MAGED1: variants seen among roughly 807,000 people sequenced by gnomAD.
MAGED1 encodes MAGE family member D1.
MAGED1 carries 3 observed loss-of-function variants against 54.1 expected under a neutral mutation model. The ratio of observed to expected loss-of-function variants is 0.06; its 90% CI spans 0.03 to 0.14. The LOEUF (loss-of-function observed/expected upper bound fraction) is 0.14. Among genes scored for constraint, MAGED1 ranks in the 10% least tolerant of loss-of-function variants. The probability of loss-of-function intolerance (pLI) is 1.00; values close to 1 mark genes in which losing one functional copy is unlikely to be tolerated. For missense variants in MAGED1, 485 were observed against 623.4 expected (o/e 0.78, Z 2.36); for synonymous variants, 217 against 227.3 (o/e 0.95, Z 0.41).
intron 1 of MAGED1, among the ~76,000 whole-genome samples, chrX:51,810,591 G>A (rs1470719205): frequency 8.9e-6 from 1 of 111,867 alleles, no homozygotes; most frequent in African/African-American, 3.2e-5. Context: ...TTCTAGTGTG[G>A]ATATGAGCAA....
intron 1 of MAGED1, among the ~76,000 whole-genome samples, chrX:51,839,172 C>T (rs1355499988): frequency 8.9e-6 from 1 of 111,755 alleles, no homozygotes; most frequent in African/African-American, 3.3e-5. Context: ...AATTTTATTC[C>T]AGTCAGATTC....
intron 1 of MAGED1, among the ~76,000 whole-genome samples, chrX:51,814,944 A>C (rs1376714495): frequency 1.5e-4 from 15 of 103,173 alleles, no homozygotes; most frequent in Admixed American, 1.4e-3. Flanking sequence ...CAGTCTGGCC[A>C]ACAGGGTGAA....
intron 1 of MAGED1, among the ~76,000 whole-genome samples, chrX:51,828,995 T>C (rs1373453348): frequency 1.8e-5 from 2 of 111,002 alleles, no homozygotes; most frequent in Admixed American, 1.9e-4. Flanking sequence ...CCCAATGCGG[T>C]TTGTGGCTAT....
In MAGED1 at chrX:51,897,538, C is replaced by T. The variant is rs1375825481; in HGVS notation, c.1487-9C>T. 8.4e-7 allele frequency: 1 copy of T among 1,192,717 alleles called. No homozygotes were observed. Among genetic ancestry groups the T allele is most frequent in the East Asian group, 3.0e-5 (1 of 33,624 alleles). On this transcript the variant is annotated splice_polypyrimidine_tract_variant and intron_variant, in intron 5 of 12. Transcript: ENST00000326587. ...CTCGGCTCAGATGGCTCCCTCCTCT[C>T]TCCTACAGAAATGCTGAGAGATATC...
intron 1 of MAGED1, among the ~76,000 whole-genome samples, chrX:51,818,597 G>A (rs193015180): frequency 5.4e-5 from 6 of 112,037 alleles, no homozygotes; most frequent in African/African-American, 1.9e-4. Context: ...GAGTTTGCTG[G>A]AGAGCTTATG....
intron 11 of MAGED1, 112 bp from the exon 12 acceptor site, chrX:51,901,441 G>A: frequency 3.0e-6 from 2 of 667,577 alleles, no homozygotes; most frequent in Non-Finnish European, 2.2e-6. Context: ...TCCATTGTGT[G>A]TGTGTGTATC....
At position 51,897,095 on chromosome X, in the gene MAGED1, C is replaced by T. The variant is rs1557364410; in HGVS notation, c.1422+18C>T. 1 of 1,205,516 alleles carries T rather than the reference C, an allele frequency of 8.3e-7. No individual in the cohort carries two copies. The highest frequency in any genetic ancestry group is 1.8e-5 in the South Asian group (1 of 55,966). ...AGGAAAGAGTAAGAGCTGTAACTCC[C>T]CAGTCACTTTTCCCCTCTCTTGCTC... On this transcript the variant is annotated intron_variant, in intron 4 of 12. Transcript: ENST00000326587.
intron 1 of MAGED1, among the ~76,000 whole-genome samples, chrX:51,855,914 G>T (rs1251725418): frequency 8.9e-6 from 1 of 111,948 alleles, no homozygotes; most frequent in African/African-American, 3.3e-5. Flanking sequence ...AGACACTAAT[G>T]ATGTCATTTT....
chrX:51,857,163 C>T (rs1315263832), intron 1 of MAGED1: 1 of 111,667 alleles, frequency 9.0e-6, no homozygotes, highest in Non-Finnish European at 1.9e-5. Flanking sequence ...TCTGAGGACT[C>T]ACACCTGAGA....
rs199703705 is a variant in MAGED1 at position 51,898,594 on chromosome X, C to G, written c.1795C>G (p.Leu599Val). 43 of 1,206,784 alleles carry G rather than the reference C, an allele frequency of 3.6e-5. No homozygotes were observed. Among genetic ancestry groups the G allele is most frequent in the Non-Finnish European group, 5.6e-6 (5 of 893,657 alleles). Residue 599 changes from leucine (L) to valine (V), a missense_variant, in exon 10 of 13, where the codon CTC becomes GTC. Around this residue, in one of 2 missense-constraint regions of MAGED1, gnomAD observed 186 missense variants for 330.3 expected, o/e 0.56. Coordinates refer to ENST00000326587, the MANE Select transcript of MAGED1 (RefSeq NM_006986.4). The stretch of plus-strand genomic sequence containing the variant: ...TTTTACCTTCAGGGTGAGACATCCC[C>G]TCCTTGGAGATCTAAGGAAACTTCT... ...MGLRPGVRHPLLGDLRKLLTY... is the reference protein window; with the variant it reads ...MGLRPGVRHPVLGDLRKLLTY...
At chrX:51,882,428 A>G (rs1478646125) in intron 1 of MAGED1, among the ~76,000 whole-genome samples, 2 of 111,344 alleles carry the variant, frequency 1.8e-5, no homozygotes, top group Non-Finnish European at 3.8e-5. Context: ...ATCTCTGGAA[A>G]AAATATATAA....
intron 1 of MAGED1, among the ~76,000 whole-genome samples, chrX:51,847,487 C>G (rs890416200): frequency 9.1e-6 from 1 of 109,832 alleles, no homozygotes; most frequent in Non-Finnish European, 1.9e-5. Flanking sequence ...GTTCTTGTCA[C>G]AAGACCAGGA....
chrX:51,880,648 T>C (rs898377601), intron 1 of MAGED1, among the ~76,000 whole-genome samples: 2 of 111,724 alleles, frequency 1.8e-5, no homozygotes, highest in African/African-American at 3.3e-5. Context: ...GTGGCTCTTA[T>C]AGTAGAAAAC....
rs144455885 is a variant in MAGED1, at chrX:51,871,067, C to T, written c.-36-23202C>T. Among the ~76,000 whole-genome samples the T allele has an allele frequency of 7.1e-3, 800 of 112,428 alleles. 4 individuals are homozygous for T. Among genetic ancestry groups the T allele is most frequent in the African/African-American group, 0.025 (769 of 30,992 alleles). On this transcript the variant is annotated intron_variant, in intron 1 of 12. Transcript: ENST00000375772. Reference sequence around the variant, plus strand: ...GATGGCTTAATGGCCTCGGTGACAACAGGAGCCCAGACTGCATAAGACTCT... The same window carrying T: ...GATGGCTTAATGGCCTCGGTGACAATAGGAGCCCAGACTGCATAAGACTCT...
At chrX:51,871,824 G>C (rs1927686281) in intron 1 of MAGED1, among the ~76,000 whole-genome samples, 1 of 111,656 alleles carries the variant, frequency 9.0e-6, no homozygotes. Flanking sequence ...GGTATTTCTA[G>C]TTCTAGATCC....
intron 1 of MAGED1, among the ~76,000 whole-genome samples, chrX:51,810,019 C>T (rs182295507): frequency 6.3e-5 from 7 of 111,190 alleles, no homozygotes; most frequent in Admixed American, 3.8e-4. Flanking sequence ...TCTTAGCAAC[C>T]GCCACTGTTT....
chrX:51,868,150 A>G (rs1927523836), intron 1 of MAGED1, among the ~76,000 whole-genome samples: 1 of 112,376 alleles, frequency 8.9e-6, no homozygotes, highest in African/African-American at 3.2e-5. Flanking sequence ...TTGTACCTTT[A>G]GAGCATGGTA....
chrX:51,837,829 G>T (rs1423239269), intron 1 of MAGED1, among the ~76,000 whole-genome samples: 1 of 112,259 alleles, frequency 8.9e-6, no homozygotes, highest in Non-Finnish European at 1.9e-5. Flanking sequence ...CTAGAGCCCA[G>T]GCTGCTTCTG....
At chrX:51,821,475 C>T (rs952901641) in intron 1 of MAGED1, among the ~76,000 whole-genome samples, 1 of 111,129 alleles carries the variant, frequency 9.0e-6, no homozygotes, top group South Asian at 3.8e-4. Flanking sequence ...ACTGCAGCCT[C>T]GACCTCCCGG....
Sources: allele counts gnomAD v4.1 joint callset (sites outside exome capture counted in the v4.1 genomes callset), GRCh38; gene constraint gnomAD v4.1.1; regional missense constraint gnomAD v4.1.1; transcripts MANE v1.5; gene names NCBI Gene and HGNC (gene_info 2026-07-23, HGNC 2026-07-21).